ADAM12: variants seen among roughly 807,000 people sequenced by gnomAD.
ADAM12 encodes disintegrin and metalloproteinase domain-containing protein 12.
In ADAM12, 70 loss-of-function variants were observed where a neutral mutation model predicts 106.4. That is an observed-to-expected ratio of 0.66 (90% CI 0.54 to 0.80). The LOEUF is 0.80. Ranked by LOEUF, ADAM12 falls within the 30% of genes least tolerant of loss-of-function variation. The pLI, the probability that ADAM12 is intolerant of heterozygous loss-of-function variation, is 0.00. For synonymous variants in ADAM12, 420 were observed against 433.5 expected (o/e 0.97, Z 0.39); for missense variants, 1,010 against 1,171.9 (o/e 0.86, Z 2.02).
chr10:126,291,967 T>C (rs1046674658), intron 2 of ADAM12, among the ~76,000 whole-genome samples: 9 of 118,366 alleles, frequency 7.6e-5, no homozygotes, highest in South Asian at 2.9e-4. Flanking sequence ...CTAATGAAAA[T>C]TGGGGTTCAG....
intron 14 of ADAM12, among the ~76,000 whole-genome samples, chr10:126,052,683 C>T (rs982801612): frequency 2.0e-5 from 3 of 151,874 alleles, no homozygotes; most frequent in African/African-American, 7.3e-5. Flanking sequence ...AGAGAGAGGA[C>T]GAGAAAGAGA....
intron 3 of ADAM12, among the ~76,000 whole-genome samples, chr10:126,182,999 T>C (rs564000004): frequency 6.6e-6 from 1 of 152,256 alleles, no homozygotes; most frequent in East Asian, 1.9e-4. Context: ...ATTGCTTACA[T>C]TACTGCCAGA....
At chr10:126,042,023 G>A (rs1590323933) in intron 18 of ADAM12, 2 of 1,475,888 alleles carry the variant, frequency 1.4e-6, no homozygotes, top group South Asian at 2.7e-5. Flanking sequence ...TGTTGTCATG[G>A]AAACGATGGC....
intron 10 of ADAM12, 123 bp from the exon 11 acceptor site, chr10:126,094,256 G>C: frequency 1.0e-6 from 1 of 967,920 alleles, no homozygotes; most frequent in Non-Finnish European, 1.5e-6. Flanking sequence ...TCCTTATAAG[G>C]GACCAAGGTA....
At chr10:126,313,069 G>T (rs1275301625) in intron 2 of ADAM12, among the ~76,000 whole-genome samples, 1 of 152,192 alleles carries the variant, frequency 6.6e-6, no homozygotes, top group Non-Finnish European at 1.5e-5. Flanking sequence ...TGGCTGAAAG[G>T]TCCCAGCCTG....
chr10:126,203,647 T>C (rs1038008712), intron 3 of ADAM12, among the ~76,000 whole-genome samples: 1 of 152,234 alleles, frequency 6.6e-6, no homozygotes, highest in Non-Finnish European at 1.5e-5. Flanking sequence ...AAACATACCC[T>C]AAATACCCTT....
chr10:126,358,068 C>G (rs1487880497), intron 1 of ADAM12, among the ~76,000 whole-genome samples: 1 of 151,858 alleles, frequency 6.6e-6, no homozygotes, highest in South Asian at 2.1e-4. Flanking sequence ...GTCCCAGCTA[C>G]TCAGGAGGCT....
chr10:126,058,384 C>T (rs564203510), intron 14 of ADAM12, among the ~76,000 whole-genome samples: 5 of 152,332 alleles, frequency 3.3e-5, no homozygotes, highest in South Asian at 2.1e-4. Flanking sequence ...GGTAAATGAA[C>T]GCTGTCTGCT....
At chr10:126,230,353 C>G (rs543588413) in intron 3 of ADAM12, among the ~76,000 whole-genome samples, 4 of 152,322 alleles carry the variant, frequency 2.6e-5, no homozygotes, top group Non-Finnish European at 5.9e-5. Context: ...ATCATGACCA[C>G]ACTGCAATGA....
At chr10:126,135,448 C>G in intron 5 of ADAM12, 136 bp downstream of exon 5, 1 of 793,628 alleles carries the variant, frequency 1.3e-6, no homozygotes, top group Non-Finnish European at 2.1e-6. Flanking sequence ...TCCGTGTTCT[C>G]TTGCCTAGGT....
chr10:126,263,704 A>G (rs1204070407), intron 3 of ADAM12, among the ~76,000 whole-genome samples: 1 of 152,218 alleles, frequency 6.6e-6, no homozygotes, highest in Non-Finnish European at 1.5e-5. Flanking sequence ...ATAATATGAT[A>G]GGGTAAAAAC....
At chr10:126,235,287 C>A (rs540641636) in intron 3 of ADAM12, among the ~76,000 whole-genome samples, 1 of 152,184 alleles carries the variant, frequency 6.6e-6, no homozygotes, top group African/African-American at 2.4e-5. Context: ...GCTTAGTCAC[C>A]GGATGAACCT....
chr10:126,187,540 G>C (rs1211777789), intron 3 of ADAM12, among the ~76,000 whole-genome samples: 1 of 152,164 alleles, frequency 6.6e-6, no homozygotes, highest in Non-Finnish European at 1.5e-5. Context: ...TGAGGTGGGA[G>C]CCCAGGTCGG....
chr10:126,188,798 CCATCCATCCCCCATCAAGCCATTTAT>C (rs1218152274), intron 3 of ADAM12, among the ~76,000 whole-genome samples: 3 of 152,134 alleles, frequency 2.0e-5, no homozygotes, highest in Non-Finnish European at 4.4e-5. Context: ...ATCCTTTCAT[CCATCCATCCCCCATCAAGCCATTTAT>C]CATCCATCCA....
chr10:126,216,325 A>G (rs1330601229), intron 3 of ADAM12, among the ~76,000 whole-genome samples: 1 of 152,246 alleles, frequency 6.6e-6, no homozygotes, highest in Admixed American at 6.5e-5. Context: ...AGCCTTTCCT[A>G]CAACAGCAAA....
At chr10:126,196,995 C>T (rs536562493) in intron 3 of ADAM12, among the ~76,000 whole-genome samples, 4 of 152,168 alleles carry the variant, frequency 2.6e-5, no homozygotes, top group Admixed American at 6.5e-5. Flanking sequence ...CCTTGGAAGC[C>T]GGGCTGACAA....
intron 2 of ADAM12, among the ~76,000 whole-genome samples, chr10:126,322,636 C>A (rs898022557): frequency 5.9e-5 from 9 of 152,174 alleles, no homozygotes; most frequent in African/African-American, 2.2e-4. Context: ...TGCTGAGGAT[C>A]CAGCATGTGT....
intron 3 of ADAM12, among the ~76,000 whole-genome samples, chr10:126,168,984 C>T (rs1046852287): frequency 6.6e-6 from 1 of 152,068 alleles, no homozygotes; most frequent in African/African-American, 2.4e-5. Context: ...ATCCGAGAGG[C>T]AGAGATTGTA....
chr10:126,152,416 T>C (rs1443285845), intron 4 of ADAM12, among the ~76,000 whole-genome samples: 2 of 152,068 alleles, frequency 1.3e-5, no homozygotes, highest in Non-Finnish European at 2.9e-5. Context: ...TTTGAGACAA[T>C]TTTGCTAGCA....
Sources: allele counts gnomAD v4.1 joint callset (sites outside exome capture counted in the v4.1 genomes callset), GRCh38; gene constraint gnomAD v4.1.1; transcripts MANE v1.5; gene names NCBI Gene and HGNC (gene_info 2026-07-23, HGNC 2026-07-21).